The following RHOA variants were observed in gnomAD, a reference collection of about 807,000 sequenced individuals.
The protein encoded by RHOA is transforming protein RhoA.
Under a neutral mutation model 17.5 loss-of-function variants are expected in RHOA, and 3 were observed. The ratio of observed to expected loss-of-function variants is 0.17; its 90% CI spans 0.08 to 0.44. RHOA has a LOEUF of 0.44. Among genes scored for constraint, RHOA ranks in the 20% least tolerant of loss-of-function variants. The pLI, the probability that RHOA is intolerant of heterozygous loss-of-function variation, is 0.99. For synonymous variants in RHOA, 98 were observed against 88.4 expected, an observed-to-expected ratio of 1.11 and a Z score of -0.61; for missense variants, 56 against 242.3, an observed-to-expected ratio of 0.23 and a Z score of 5.10.
rs942671836 is a variant in RHOA, at chr3:49,363,596, A to C, written c.278-970T>G. 7.2e-5 allele frequency among the ~76,000 whole-genome samples: 11 copies of C among 152,030 alleles called. No individual in the cohort carries two copies. In the East Asian group the frequency reaches 2.1e-3, roughly 29 times the overall value. On this transcript the variant is annotated intron_variant, in intron 3 of 4. Coordinates refer to ENST00000418115, the MANE Select transcript of RHOA (RefSeq NM_001664.4). The stretch of plus-strand genomic sequence containing the variant: ...AGACAGCGTGGTGGCTCGTGCCTGT[A>C]ATCCCAGCACTTTGGGAGGCTTAGG...
intron 1 of RHOA, among the ~76,000 whole-genome samples, chr3:49,383,960 G>T (rs2048357636): frequency 6.6e-6 from 1 of 152,164 alleles, no homozygotes; most frequent in Non-Finnish European, 1.5e-5. Context: ...AACCTGGGAG[G>T]TGGAGGTTGC....
chr3:49,387,606 G>A (rs1203862906), intron 1 of RHOA, among the ~76,000 whole-genome samples: 10 of 151,122 alleles, frequency 6.6e-5, no homozygotes, highest in South Asian at 2.1e-4. Context: ...TTAGCCAGGC[G>A]TGGTGGCGGG....
At chr3:49,369,252 T>C (rs1022627246) in intron 2 of RHOA, among the ~76,000 whole-genome samples, 3 of 148,902 alleles carry the variant, frequency 2.0e-5, no homozygotes, top group Non-Finnish European at 4.5e-5. Flanking sequence ...CTTGATCTCC[T>C]GACCTCGTGA....
chr3:49,373,818 A>G (rs970923146), intron 2 of RHOA, among the ~76,000 whole-genome samples: 1 of 152,064 alleles, frequency 6.6e-6, no homozygotes, highest in African/African-American at 2.4e-5. Context: ...AGAAAAAAAA[A>G]AAAGTATGAG....
intron 2 of RHOA, 79 bp downstream of exon 2, chr3:49,375,355 A>G: frequency 7.1e-7 from 1 of 1,413,878 alleles, no homozygotes; most frequent in Non-Finnish European, 9.6e-7. Flanking sequence ...TGAAGAGGCA[A>G]AAAGCTCTAA....
intron 1 of RHOA, among the ~76,000 whole-genome samples, chr3:49,387,786 T>C (rs1354111934): frequency 6.6e-6 from 1 of 151,790 alleles, no homozygotes; most frequent in Non-Finnish European, 1.5e-5. Flanking sequence ...TTGTTTTCTA[T>C]GCTTTTATGA....
chr3:49,375,594 G>GAAACACA lies in RHOA; in HGVS notation c.-2-10_-2-4dup. 3.1e-6 allele frequency: 5 copies of GAAACACA among 1,612,678 alleles called. No individual in the cohort carries two copies. Among genetic ancestry groups the GAAACACA allele is most frequent in the Non-Finnish European group, 4.2e-6 (5 of 1,179,320 alleles). The stretch of plus-strand genomic sequence containing the variant: ...TTTCTTCCGGATGGCAGCCATTGCT[G>GAAACACA]AAACACAAAACACAGATATTACCTG... On this transcript the variant is annotated splice_region_variant and splice_polypyrimidine_tract_variant and intron_variant, in intron 1 of 4. Transcript: ENST00000418115.
intron 3 of RHOA, among the ~76,000 whole-genome samples, chr3:49,363,905 T>C (rs2048012486): frequency 6.6e-6 from 1 of 151,856 alleles, no homozygotes; most frequent in South Asian, 2.1e-4. Context: ...AACTTAGCAG[T>C]TTACAGTGGT....
intron 1 of RHOA, among the ~76,000 whole-genome samples, chr3:49,400,237 G>A (rs1039768561): frequency 3.1e-5 from 4 of 128,092 alleles, no homozygotes; most frequent in South Asian, 2.6e-4. Context: ...CAAAAAAAAC[G>A]AAACTACAGA....
Position 49,360,059 on chromosome 3 carries a change from G to T in RHOA, c.*150C>A. On this transcript the variant is annotated 3_prime_UTR_variant, in exon 5 of 5. Coordinates refer to ENST00000418115, the MANE Select transcript of RHOA (RefSeq NM_001664.4). The stretch of plus-strand genomic sequence containing the variant: ...GGGTTGGACATCGTTAATAATCATA[G>T]TTGGCTTCTAAATACTGGTAGCAAG... 1.1e-6 allele frequency: 1 copy of T among 902,978 alleles called. No homozygotes were observed. Among genetic ancestry groups the T allele is most frequent in the Non-Finnish European group, 1.6e-6 (1 of 616,250 alleles). 55.9% of individuals were successfully genotyped at this position (902,978 alleles called of 1,614,324 possible).
At chr3:49,407,232 GTTTTTTTTTTTTTT>G (rs61556875) in intron 1 of RHOA, among the ~76,000 whole-genome samples, 1 of 70,020 alleles carries the variant, frequency 1.4e-5, no homozygotes, top group Non-Finnish European at 2.5e-5. Flanking sequence ...AATCCTTTCC[GTTTTTTTTTTTTTT>G]TTTTTTTTTT....
chr3:49,374,652 G>C (rs562464269), intron 2 of RHOA, among the ~76,000 whole-genome samples: 2 of 151,988 alleles, frequency 1.3e-5, no homozygotes, highest in African/African-American at 4.8e-5. Flanking sequence ...AACCCGGGAG[G>C]TGGAGGTTGC....
chr3:49,404,944 A>T (rs1022797574), intron 1 of RHOA, among the ~76,000 whole-genome samples: 1 of 147,492 alleles, frequency 6.8e-6, no homozygotes, highest in African/African-American at 2.5e-5. Context: ...TGTCTCCAAA[A>T]AAAAAAATAA....
chr3:49,379,408 A>G (rs1257275174), intron 1 of RHOA, among the ~76,000 whole-genome samples: 2 of 152,152 alleles, frequency 1.3e-5, no homozygotes, highest in African/African-American at 2.4e-5. Context: ...TGACTAATGG[A>G]ATACTGGAGT....
At chr3:49,383,665 T>G (rs749936229) in intron 1 of RHOA, among the ~76,000 whole-genome samples, 28 of 152,166 alleles carry the variant, frequency 1.8e-4, no homozygotes, top group Non-Finnish European at 3.7e-4. Context: ...CTATTCTGTT[T>G]GTGCCTTCCC....
At chr3:49,392,048 G>C (rs116526223) in intron 1 of RHOA, among the ~76,000 whole-genome samples, 4 of 148,158 alleles carry the variant, frequency 2.7e-5, no homozygotes, top group Non-Finnish European at 6.0e-5. Context: ...GGCTGGTCTC[G>C]AACTCCTATC....
intron 2 of RHOA, among the ~76,000 whole-genome samples, chr3:49,369,886 GGA>G (rs1430974738): frequency 6.6e-6 from 1 of 152,172 alleles, no homozygotes; most frequent in Non-Finnish European, 1.5e-5. Flanking sequence ...TGACAAATGT[GGA>G]GAAACCCCAT....
chr3:49,388,375 C>G (rs999886111), intron 1 of RHOA, among the ~76,000 whole-genome samples: 2 of 152,068 alleles, frequency 1.3e-5, no homozygotes, highest in Non-Finnish European at 2.9e-5. Context: ...GGGAGCTCTG[C>G]TATAGAAAGA....
chr3:49,377,120 C>T (rs936841903), intron 1 of RHOA, among the ~76,000 whole-genome samples: 2 of 152,074 alleles, frequency 1.3e-5, no homozygotes, highest in Admixed American at 1.3e-4. Context: ...AAGAGCGAAA[C>T]TCCGTCTCAA....
Sources: gnomAD v4.1 joint callset for allele counts (sites outside exome capture counted in the v4.1 genomes callset) on GRCh38, gnomAD v4.1.1 for gene constraint, MANE v1.5 for transcripts, NCBI Gene and HGNC (gene_info 2026-07-23, HGNC 2026-07-21) for gene names.